TMEM120B: variants seen among roughly 807,000 people sequenced by gnomAD.
The protein encoded by TMEM120B is transmembrane protein 120B.
TMEM120B carries 31 observed loss-of-function variants against 55.5 expected under a neutral mutation model. That is an observed-to-expected ratio of 0.56 (90% CI 0.42 to 0.75). TMEM120B has a LOEUF of 0.75. Among genes scored for constraint, TMEM120B ranks in the 30% least tolerant of loss-of-function variants. The pLI, the probability that TMEM120B is intolerant of heterozygous loss-of-function variation, is 0.00. For missense variants in TMEM120B, 399 were observed against 425.5 expected (o/e 0.94, Z 0.55); for synonymous variants, 203 against 176.3 (o/e 1.15, Z -1.20).
chr12:121,756,250 C>A (rs1333147100), intron 5 of TMEM120B, among the ~76,000 whole-genome samples: 1 of 152,090 alleles, frequency 6.6e-6, no homozygotes, highest in Non-Finnish European at 1.5e-5. Flanking sequence ...GTAATCCCAG[C>A]ACTTTGGAAG....
At chr12:121,722,686 G>T (rs1015905026) in intron 1 of TMEM120B, among the ~76,000 whole-genome samples, 42 of 152,140 alleles carry the variant, frequency 2.8e-4, no homozygotes, top group Non-Finnish European at 5.6e-4. Flanking sequence ...TACATTGTAT[G>T]TAGTCCAAGT....
In TMEM120B at chr12:121,780,901, C is replaced by G; in HGVS notation, c.*5179C>G. 1 of 1,613,710 alleles carries G rather than the reference C, an allele frequency of 6.2e-7. No individual in the cohort carries two copies. Among genetic ancestry groups the G allele is most frequent in the Non-Finnish European group, 8.5e-7 (1 of 1,179,900 alleles). On this transcript the variant is annotated 3_prime_UTR_variant, in exon 12 of 12. Coordinates refer to ENST00000449592, the MANE Select transcript of TMEM120B (RefSeq NM_001080825.2). The stretch of plus-strand genomic sequence containing the variant: ...ATGTAGGTGATGGGCTCCAGCTGGG[C>G]GGCCCGGAGCTTCCGCAGCTGCTCC...
At chr12:121,774,533 C>T (rs1177484611) in intron 9 of TMEM120B, 125 bp from the exon 10 acceptor site, 13 of 863,696 alleles carry the variant, frequency 1.5e-5, no homozygotes, top group South Asian at 6.5e-5. Context: ...GGGCTGACCC[C>T]CCGCATGTGT....
At chr12:121,744,337 C>G (rs562192697) in intron 2 of TMEM120B, among the ~76,000 whole-genome samples, 37 of 152,332 alleles carry the variant, frequency 2.4e-4, no homozygotes, top group African/African-American at 8.7e-4. Context: ...TTGGGCAGCG[C>G]CATGCCGTGT....
intron 1 of TMEM120B, among the ~76,000 whole-genome samples, chr12:121,729,809 G>A (rs987164246): frequency 6.6e-6 from 1 of 152,098 alleles, no homozygotes; most frequent in African/African-American, 2.4e-5. Flanking sequence ...TTAAAATATA[G>A]AAAGCGGGGT....
intron 1 of TMEM120B, among the ~76,000 whole-genome samples, chr12:121,726,694 C>T (rs146283555): frequency 6.6e-6 from 1 of 151,580 alleles, no homozygotes; most frequent in Non-Finnish European, 1.5e-5. Context: ...TGCCTGAGGT[C>T]AGGAGTTTGA....
intron 5 of TMEM120B, among the ~76,000 whole-genome samples, chr12:121,760,965 A>G (rs1873658143): frequency 6.6e-6 from 1 of 152,082 alleles, no homozygotes; most frequent in Admixed American, 6.6e-5. Context: ...CTTAAATAGA[A>G]CATTAAGTCT....
rs1592953966 is a variant in TMEM120B, at chr12:121,778,956, T to C, written c.*3234T>C. On this transcript the variant is annotated 3_prime_UTR_variant, in exon 12 of 12. Transcript: ENST00000449592. The stretch of plus-strand genomic sequence containing the variant: ...TTGAAGACAAGTCTTCCATGTGGGG[T>C]GGAGATGGGAGGGGTGGGTGCCAGG... 2 of 153,528 alleles carry C rather than the reference T, an allele frequency of 1.3e-5. No homozygotes were observed. The highest frequency in any genetic ancestry group is 1.3e-4 in the Admixed American group (2 of 15,796). The allele number at this position is 153,528 out of a possible 1,614,324, so 9.5% of individuals were successfully genotyped here.
intron 1 of TMEM120B, among the ~76,000 whole-genome samples, chr12:121,714,286 T>C (rs901951386): frequency 6.6e-6 from 1 of 152,074 alleles, no homozygotes; most frequent in African/African-American, 2.4e-5. Flanking sequence ...TGTGACAGAG[T>C]CTCACTGTCG....
At chr12:121,716,561 C>CTTTTTTTTTTT (rs1894706626) in intron 1 of TMEM120B, among the ~76,000 whole-genome samples, 1 of 61,256 alleles carries the variant, frequency 1.6e-5, no homozygotes. Flanking sequence ...CTTTTTTTTT[C>CTTTTTTTTTTT]TTTCTTTTTT....
intron 9 of TMEM120B, among the ~76,000 whole-genome samples, chr12:121,774,029 C>G (rs1012313157): frequency 1.5e-5 from 2 of 134,148 alleles, no homozygotes; most frequent in African/African-American, 5.6e-5. Context: ...GATCTCTATT[C>G]ACTGCAACCT....
rs1874448076 is a variant in TMEM120B at position 121,781,275 on chromosome 12, G to A, written c.*5553G>A. 7.8e-7 allele frequency: 1 copy of A among 1,274,990 alleles called. No homozygotes were observed. Among genetic ancestry groups the A allele is most frequent in the Admixed American group, 1.9e-5 (1 of 52,992 alleles). 79.0% of individuals were successfully genotyped at this position (1,274,990 alleles called of 1,614,324 possible). ...GGGTGAAGGGGAAGGGGCCAGGCAA[G>A]TGACCCTGCCTTAGGGCCTCAATTT... On this transcript the variant is annotated 3_prime_UTR_variant, in exon 12 of 12. Coordinates refer to ENST00000449592, the MANE Select transcript of TMEM120B (RefSeq NM_001080825.2).
intron 6 of TMEM120B, among the ~76,000 whole-genome samples, chr12:121,768,970 A>G (rs529138132): frequency 6.6e-6 from 1 of 152,106 alleles, no homozygotes; most frequent in Admixed American, 6.6e-5. Flanking sequence ...ACCTGTTGAA[A>G]TCCTGTCTCT....
chr12:121,724,760 G>A (rs1476868686), intron 1 of TMEM120B, among the ~76,000 whole-genome samples: 4 of 151,816 alleles, frequency 2.6e-5, no homozygotes, highest in African/African-American at 4.8e-5. Context: ...ACAGGCGCCC[G>A]CCACCACACC....
At chr12:121,746,722 A>T (rs1166592099) in intron 2 of TMEM120B, among the ~76,000 whole-genome samples, 2 of 152,148 alleles carry the variant, frequency 1.3e-5, no homozygotes, top group Non-Finnish European at 2.9e-5. Flanking sequence ...TGGGAGGCCG[A>T]GGCAGGCAGA....
At chr12:121,720,132 A>G (rs1297869976) in intron 1 of TMEM120B, among the ~76,000 whole-genome samples, 1 of 152,152 alleles carries the variant, frequency 6.6e-6, no homozygotes, top group Admixed American at 6.6e-5. Flanking sequence ...AATAAGTGGC[A>G]GGCTCTGGAT....
intron 6 of TMEM120B, among the ~76,000 whole-genome samples, chr12:121,764,676 G>A (rs1461954599): frequency 2.0e-5 from 3 of 152,132 alleles, no homozygotes; most frequent in Non-Finnish European, 2.9e-5. Flanking sequence ...GTGCTCTGGG[G>A]CATGTGATGC....
chr12:121,736,557 T>C (rs1333813662), intron 1 of TMEM120B, among the ~76,000 whole-genome samples: 2 of 149,110 alleles, frequency 1.3e-5, no homozygotes, highest in African/African-American at 5.0e-5. Flanking sequence ...CCCGGCCTTC[T>C]TTTTCTTTTT....
chr12:121,743,812 G>T, intron 2 of TMEM120B, 65 bp downstream of exon 2: 2 of 1,181,964 alleles, frequency 1.7e-6, no homozygotes, highest in Admixed American at 1.9e-5. Context: ...CTCAAAACAG[G>T]CTGAAGCAGA....
Sources: gnomAD v4.1 joint callset for allele counts (sites outside exome capture counted in the v4.1 genomes callset) on GRCh38, gnomAD v4.1.1 for gene constraint, MANE v1.5 for transcripts, NCBI Gene and HGNC (gene_info 2026-07-23, HGNC 2026-07-21) for gene names.